Variants in DLC1 observed in about 807,000 individuals in gnomAD.
DLC1 encodes the protein rho GTPase-activating protein 7.
DLC1 carries 54 observed loss-of-function variants against 140.3 expected under a neutral mutation model. That is an observed-to-expected ratio of 0.38 (90% CI 0.31 to 0.48). The LOEUF (loss-of-function observed/expected upper bound fraction) is 0.48, where lower values mean the gene tolerates loss of function less well. Among genes scored for constraint, DLC1 ranks in the 20% least tolerant of loss-of-function variants. The pLI is 0.96. For synonymous variants in DLC1, 986 were observed against 728.1 expected, an observed-to-expected ratio of 1.35 and a Z score of -5.70; for missense variants, 2,536 against 1,907.0, an observed-to-expected ratio of 1.33 and a Z score of -6.14.
intron 4 of DLC1, among the ~76,000 whole-genome samples, chr8:13,308,676 A>C (rs911119057): frequency 2.0e-5 from 3 of 152,238 alleles, no homozygotes; most frequent in South Asian, 2.1e-4. Context: ...AATGTAATCA[A>C]AGAAGTTCCA....
chr8:13,453,330 T>C (rs1031139019), intron 2 of DLC1, among the ~76,000 whole-genome samples: 2 of 139,832 alleles, frequency 1.4e-5, no homozygotes, highest in African/African-American at 5.3e-5. Context: ...TTTTTGGTAA[T>C]AATTATTAAA....
At chr8:13,174,952 C>T (rs1004301584) in intron 5 of DLC1, among the ~76,000 whole-genome samples, 9 of 152,142 alleles carry the variant, frequency 5.9e-5, no homozygotes, top group African/African-American at 2.2e-4. Flanking sequence ...AATTGATACT[C>T]AGAATGGTAT....
intron 2 of DLC1, among the ~76,000 whole-genome samples, chr8:13,421,411 C>A (rs1182374716): frequency 3.3e-5 from 5 of 152,114 alleles, no homozygotes; most frequent in Non-Finnish European, 7.4e-5. Flanking sequence ...AAGTCCTAAT[C>A]TTTAATAACC....
chr8:13,319,386 C>T (rs60841905), intron 4 of DLC1, among the ~76,000 whole-genome samples: 1 of 150,906 alleles, frequency 6.6e-6, no homozygotes, highest in East Asian at 2.0e-4. Context: ...TCTTCCCACC[C>T]AAGTGATATG....
intron 5 of DLC1, among the ~76,000 whole-genome samples, chr8:13,135,270 T>A (rs1308618548): frequency 6.7e-6 from 1 of 149,482 alleles, no homozygotes; most frequent in South Asian, 2.1e-4. Context: ...AGTGACACGA[T>A]CTCGGGTTCA....
chr8:13,285,547 A>C (rs1476962350), intron 5 of DLC1, among the ~76,000 whole-genome samples: 1 of 152,166 alleles, frequency 6.6e-6, no homozygotes, highest in African/African-American at 2.4e-5. Context: ...AATGGCCAAT[A>C]AGTACATGAA....
chr8:13,601,947 C>T, intron 1 of DLC1, among the ~76,000 whole-genome samples: 1 of 151,794 alleles, frequency 6.6e-6, no homozygotes, highest in East Asian at 1.9e-4. Context: ...TATGCTTTCA[C>T]ATTTCCAATT....
chr8:13,267,392 A>T (rs1474798995), intron 5 of DLC1, among the ~76,000 whole-genome samples: 1 of 152,042 alleles, frequency 6.6e-6, no homozygotes, highest in African/African-American at 2.4e-5. Context: ...AGGATATAGT[A>T]ATCAACCATG....
Position 13,291,785 on chromosome 8 carries a change from G to A in DLC1, c.1348+13484C>T, listed in dbSNP as rs1299431551. Among the ~76,000 whole-genome samples the A allele has an allele frequency of 3.9e-5, 6 of 152,198 alleles. No individual in the cohort carries two copies. In the East Asian group the frequency reaches 1.2e-3, roughly 29 times the overall value. On this transcript the variant is annotated intron_variant, in intron 5 of 17. Coordinates refer to ENST00000276297, the MANE Select transcript of DLC1 (RefSeq NM_182643.3). The stretch of plus-strand genomic sequence containing the variant: ...ACCAGACCAAGCCTGAAACCCCTAA[G>A]GGTTAAATAATTTCACTAAAGAAAA...
intron 5 of DLC1, among the ~76,000 whole-genome samples, chr8:13,229,603 G>C (rs1382381591): frequency 6.6e-6 from 1 of 151,890 alleles, no homozygotes; most frequent in East Asian, 1.9e-4. Context: ...ATTCAGTAAA[G>C]CTGGAGGGAT....
chr8:13,286,777 T>A (rs1018909887), intron 5 of DLC1, among the ~76,000 whole-genome samples: 4 of 149,468 alleles, frequency 2.7e-5, no homozygotes, highest in Admixed American at 2.7e-4. Context: ...CTCTTTTGAT[T>A]GGCATAAAAA....
intron 5 of DLC1, among the ~76,000 whole-genome samples, chr8:13,176,428 G>C (rs1261038218): frequency 6.6e-6 from 1 of 152,034 alleles, no homozygotes; most frequent in Non-Finnish European, 1.5e-5. Context: ...AAATACAAAA[G>C]ATTAGCTGGG....
At chr8:13,568,732 C>G (rs1363361386) in intron 1 of DLC1, among the ~76,000 whole-genome samples, 2 of 152,040 alleles carry the variant, frequency 1.3e-5, no homozygotes, top group Admixed American at 1.3e-4. Flanking sequence ...GTCATAGATG[C>G]TAAGGAATGA....
intron 2 of DLC1, among the ~76,000 whole-genome samples, chr8:13,489,271 T>C (rs1020990484): frequency 6.6e-6 from 1 of 152,118 alleles, no homozygotes; most frequent in Non-Finnish European, 1.5e-5. Flanking sequence ...ATGATAAAAC[T>C]TGATGCCTCA....
At chr8:13,591,912 G>A (rs938855537) in intron 1 of DLC1, among the ~76,000 whole-genome samples, 1 of 151,962 alleles carries the variant, frequency 6.6e-6, no homozygotes, top group Non-Finnish European at 1.5e-5. Context: ...TGGTTTTTTT[G>A]ACCTTGTCGA....
At chr8:13,513,948 AC>A (rs1238585703) in intron 1 of DLC1, among the ~76,000 whole-genome samples, 1 of 152,186 alleles carries the variant, frequency 6.6e-6, no homozygotes, top group African/African-American at 2.4e-5. Flanking sequence ...ATTAATATAA[AC>A]TAAATTCGAT....
At chr8:13,280,960 CA>C (rs1212875716) in intron 5 of DLC1, among the ~76,000 whole-genome samples, 1 of 152,192 alleles carries the variant, frequency 6.6e-6, no homozygotes, top group African/African-American at 2.4e-5. Flanking sequence ...GTGCCTATCC[CA>C]GCATAATATA....
chr8:13,240,991 G>T (rs188651805), intron 5 of DLC1, among the ~76,000 whole-genome samples: 1 of 152,150 alleles, frequency 6.6e-6, no homozygotes, highest in Non-Finnish European at 1.5e-5. Flanking sequence ...CAAAGAAGGG[G>T]TTGAGAGAGA....
chr8:13,116,103 G>C (rs1342226338), intron 5 of DLC1: 5 of 970,650 alleles, frequency 5.2e-6, no homozygotes, highest in Non-Finnish European at 6.1e-6. Context: ...AAAGTCACAG[G>C]CTTTCTGACA....
Sources: gnomAD v4.1 joint callset for allele counts (sites outside exome capture counted in the v4.1 genomes callset) on GRCh38, gnomAD v4.1.1 for gene constraint, MANE v1.5 for transcripts, NCBI Gene and HGNC (gene_info 2026-07-23, HGNC 2026-07-21) for gene names.